Variants in FBXL20 observed in about 807,000 individuals in gnomAD.
The protein encoded by FBXL20 is F-box and leucine rich repeat protein 20, also known as F-box/LRR-repeat protein 20.
Under a neutral mutation model 64.0 loss-of-function variants are expected in FBXL20, and 11 were observed. The observed-to-expected ratio is 0.17, with a 90% CI of 0.11 to 0.28. FBXL20 has a LOEUF of 0.28. Among genes scored for constraint, FBXL20 ranks in the 10% least tolerant of loss-of-function variants. The probability of loss-of-function intolerance (pLI) is 1.00; values close to 1 mark genes in which losing one functional copy is unlikely to be tolerated. For synonymous variants in FBXL20, 184 were observed against 189.0 expected, an observed-to-expected ratio of 0.97 and a Z score of 0.22; for missense variants, 303 against 526.2, an observed-to-expected ratio of 0.58 and a Z score of 4.15.
chr17:39,255,203 CGAGGCGGGTGGATCAT>C lies in FBXL20; in HGVS notation c.*6241_*6256del, dbSNP rs2046684345. On this transcript the variant is annotated 3_prime_UTR_variant, in exon 15 of 15. Transcript: ENST00000264658. ...CTGTAATCCCAGCACTTTGGGAGGC[CGAGGCGGGTGGATCAT>C]GAGGTCAGGAGATCGAGACCATCCT... The C allele has an allele frequency of 6.6e-6, 1 of 150,756 alleles. No individual in the cohort carries two copies. Among genetic ancestry groups the C allele is most frequent in the Non-Finnish European group, 1.5e-5 (1 of 67,680 alleles). The allele number at this position is 150,756 out of a possible 1,614,324, so 9.3% of individuals were successfully genotyped here. A position where few individuals can be genotyped will look rare whatever the true frequency, so the allele number is the denominator to read the frequency against.
chr17:39,288,686 TA>T (rs2047010337), intron 6 of FBXL20, among the ~76,000 whole-genome samples: 1 of 152,130 alleles, frequency 6.6e-6, no homozygotes, highest in East Asian at 1.9e-4. Flanking sequence ...TTTGTTTTTT[TA>T]AGTTAATGGT....
At chr17:39,289,552 GA>G (rs2047018613) in intron 6 of FBXL20, among the ~76,000 whole-genome samples, 1 of 152,056 alleles carries the variant, frequency 6.6e-6, no homozygotes, top group Non-Finnish European at 1.5e-5. Context: ...AGCTACTTGG[GA>G]GGCTGAGGTG....
intron 12 of FBXL20, 99 bp downstream of exon 12, chr17:39,268,728 C>A: frequency 1.0e-6 from 1 of 1,000,122 alleles, no homozygotes; most frequent in Non-Finnish European, 1.5e-6. Context: ...TCAGGCACTA[C>A]AGTATCCTAC....
In FBXL20 at chr17:39,261,420, CATTAAA is replaced by C; in HGVS notation, c.*34_*39del. 6.7e-7 allele frequency: 1 copy of C among 1,494,652 alleles called. No homozygotes were observed. Among genetic ancestry groups the C allele is most frequent in the South Asian group, 1.1e-5 (1 of 88,494 alleles). 92.6% of individuals were successfully genotyped at this position (1,494,652 alleles called of 1,614,324 possible). ...GACTCCACGGTAGCTCTAGAAGTGT[CATTAAA>C]TACTCAGTTCGCCAAGGTTGACCAC... On this transcript the variant is annotated 3_prime_UTR_variant, in exon 15 of 15. Coordinates refer to ENST00000264658, the MANE Select transcript of FBXL20 (RefSeq NM_032875.3).
chr17:39,280,401 CAAAAA>C (rs369912448), intron 9 of FBXL20, among the ~76,000 whole-genome samples: 4 of 100,354 alleles, frequency 4.0e-5, no homozygotes, highest in African/African-American at 8.1e-5. Flanking sequence ...GACTCTGTCT[CAAAAA>C]AAAAAAAAAA....
Position 39,261,451 on chromosome 17 carries a change from C to A in FBXL20, c.*9G>T. On this transcript the variant is annotated 3_prime_UTR_variant, in exon 15 of 15. Transcript: ENST00000264658. ...ATACTCAGTTCGCCAAGGTTGACCACCTCCATTGTCATAGGATGATGCAGC... is the reference window on the plus strand; with the variant it reads ...ATACTCAGTTCGCCAAGGTTGACCAACTCCATTGTCATAGGATGATGCAGC... 1.9e-6 allele frequency: 3 copies of A among 1,608,636 alleles called. No homozygotes were observed. Among genetic ancestry groups the A allele is most frequent in the Non-Finnish European group, 2.6e-6 (3 of 1,175,040 alleles).
intron 2 of FBXL20, among the ~76,000 whole-genome samples, chr17:39,318,114 G>A (rs2047314700): frequency 2.6e-5 from 4 of 152,144 alleles, no homozygotes; most frequent in Admixed American, 2.6e-4. Context: ...AAATTCCTAT[G>A]ATAGCTTTAT....
intron 14 of FBXL20, among the ~76,000 whole-genome samples, chr17:39,262,428 C>A (rs534014400): frequency 2.6e-5 from 4 of 152,068 alleles, no homozygotes; most frequent in African/African-American, 9.6e-5. Context: ...TTACAGGCAC[C>A]TGCCACCATG....
chr17:39,316,972 G>A (rs1254463938), intron 2 of FBXL20, among the ~76,000 whole-genome samples: 1 of 152,230 alleles, frequency 6.6e-6, no homozygotes, highest in Non-Finnish European at 1.5e-5. Context: ...CTGGGAGACA[G>A]AGTGAGACTC....
chr17:39,352,550 G>T (rs1053089969), intron 1 of FBXL20, among the ~76,000 whole-genome samples: 2 of 151,528 alleles, frequency 1.3e-5, no homozygotes, highest in African/African-American at 4.9e-5. Context: ...GTGTGGTAGC[G>T]TGCACCTGTA....
intron 1 of FBXL20, among the ~76,000 whole-genome samples, chr17:39,366,596 C>T (rs1285844238): frequency 6.6e-6 from 1 of 152,176 alleles, no homozygotes; most frequent in Non-Finnish European, 1.5e-5. Flanking sequence ...AAGTCTCTTG[C>T]ATGTCTAAAA....
intron 1 of FBXL20, among the ~76,000 whole-genome samples, chr17:39,391,600 G>A (rs542280480): frequency 2.4e-4 from 37 of 152,000 alleles, no homozygotes; most frequent in African/African-American, 7.5e-4. Context: ...TTCATAGTTC[G>A]GAACTGACTC....
Position 39,301,088 on chromosome 17 carries a change from A to G in FBXL20, c.160-13T>C. 1 of 1,611,928 alleles carries G rather than the reference A, an allele frequency of 6.2e-7. No homozygotes were observed. Among genetic ancestry groups the G allele is most frequent in the Non-Finnish European group, 8.5e-7 (1 of 1,178,926 alleles). On this transcript the variant is annotated splice_polypyrimidine_tract_variant and intron_variant, in intron 3 of 14. Transcript: ENST00000264658. Reference sequence around the variant, plus strand: ...GAACATTCCAGGCCTATTTTAAAGAAAAAGAGACAGAATGAGCAGAAGCTA... The same window carrying G: ...GAACATTCCAGGCCTATTTTAAAGAGAAAGAGACAGAATGAGCAGAAGCTA...
intron 1 of FBXL20, among the ~76,000 whole-genome samples, chr17:39,374,097 C>T (rs920672227): frequency 6.6e-5 from 10 of 151,876 alleles, no homozygotes; most frequent in South Asian, 4.2e-4. Context: ...TGGTGGTGGG[C>T]GCCTGTAGTC....
At chr17:39,317,830 C>G (rs1003585058) in intron 2 of FBXL20, among the ~76,000 whole-genome samples, 5 of 151,474 alleles carry the variant, frequency 3.3e-5, no homozygotes, top group African/African-American at 1.2e-4. Context: ...GCCTCCCCAG[C>G]AGCTGGGACT....
At chr17:39,287,743 T>C (rs1021152947) in intron 6 of FBXL20, among the ~76,000 whole-genome samples, 8 of 151,980 alleles carry the variant, frequency 5.3e-5, no homozygotes, top group African/African-American at 1.7e-4. Flanking sequence ...AGGAATGAAA[T>C]TGCTAGATCC....
intron 1 of FBXL20, among the ~76,000 whole-genome samples, chr17:39,374,657 T>G (rs2047949819): frequency 6.6e-6 from 1 of 152,236 alleles, no homozygotes; most frequent in African/African-American, 2.4e-5. Flanking sequence ...CTAGGATTCC[T>G]AAAAACTAAT....
At chr17:39,400,500 G>A (rs759040346) in intron 1 of FBXL20, among the ~76,000 whole-genome samples, 4 of 152,150 alleles carry the variant, frequency 2.6e-5, no homozygotes, top group African/African-American at 7.2e-5. Flanking sequence ...TACTCTTCCT[G>A]TAGAAGTTTC....
chr17:39,387,159 T>C (rs1345618811), intron 1 of FBXL20, among the ~76,000 whole-genome samples: 2 of 152,220 alleles, frequency 1.3e-5, no homozygotes, highest in Admixed American at 6.5e-5. Context: ...AACATTTTTA[T>C]TATAAAACAG....
Sources: allele counts gnomAD v4.1 joint callset (sites outside exome capture counted in the v4.1 genomes callset), GRCh38; gene constraint gnomAD v4.1.1; transcripts MANE v1.5; gene names NCBI Gene and HGNC (gene_info 2026-07-23, HGNC 2026-07-21).